The following ZFHX3 variants were observed in gnomAD, a reference collection of about 807,000 sequenced individuals.
The protein encoded by ZFHX3 is zinc finger homeobox protein 3.
In ZFHX3, 42 loss-of-function variants were observed where a neutral mutation model predicts 279.1. That is an observed-to-expected ratio of 0.15 (90% CI 0.12 to 0.19). The LOEUF (loss-of-function observed/expected upper bound fraction) is 0.19, where lower values mean the gene tolerates loss of function less well. Among genes scored for constraint, ZFHX3 ranks in the 10% least tolerant of loss-of-function variants. The pLI, the probability that ZFHX3 is intolerant of heterozygous loss-of-function variation, is 1.00. For missense variants in ZFHX3, 4,981 were observed against 4,754.0 expected (o/e 1.05, Z -1.40); for synonymous variants, 2,293 against 1,957.8 (o/e 1.17, Z -4.52).
chr16:73,448,045 C>A (rs2018217118), intron 3 of ZFHX3, among the ~76,000 whole-genome samples: 1 of 152,116 alleles, frequency 6.6e-6, no homozygotes, highest in South Asian at 2.1e-4. Flanking sequence ...AGGACATTTG[C>A]CAAATCAGCA....
chr16:73,139,325 G>A (rs1966840250), intron 6 of ZFHX3, among the ~76,000 whole-genome samples: 1 of 152,026 alleles, frequency 6.6e-6, no homozygotes, highest in South Asian at 2.1e-4. Context: ...GATACCACTG[G>A]CACGAAATAA....
At chr16:73,505,508 AC>A (rs1434232009) in intron 2 of ZFHX3, among the ~76,000 whole-genome samples, 4 of 152,034 alleles carry the variant, frequency 2.6e-5, no homozygotes, top group African/African-American at 9.7e-5. Context: ...TCCGTTAACT[AC>A]TTAGACAGTC....
intron 5 of ZFHX3, among the ~76,000 whole-genome samples, chr16:73,235,664 A>G (rs140428822): frequency 2.5e-4 from 38 of 151,258 alleles, no homozygotes; most frequent in African/African-American, 8.7e-4. Flanking sequence ...ATGTGTAAAT[A>G]TCAAATATAT....
intron 8 of ZFHX3, among the ~76,000 whole-genome samples, chr16:73,080,007 C>G (rs1965926884): frequency 6.6e-6 from 1 of 152,180 alleles, no homozygotes; most frequent in Non-Finnish European, 1.5e-5. Context: ...TCAGTCTGAT[C>G]TTTCTGAGCT....
chr16:73,872,470 A>G (rs2029864723), intron 1 of ZFHX3, among the ~76,000 whole-genome samples: 1 of 151,770 alleles, frequency 6.6e-6, no homozygotes, highest in Non-Finnish European at 1.5e-5. Context: ...CCTGGCCTCA[A>G]GTGACCAGCC....
chr16:73,356,339 G>T (rs1269419170), intron 3 of ZFHX3, among the ~76,000 whole-genome samples: 4 of 150,628 alleles, frequency 2.7e-5, no homozygotes, highest in African/African-American at 4.8e-5. Flanking sequence ...CTCATGTACA[G>T]CCCCACGGGT....
intron 2 of ZFHX3, among the ~76,000 whole-genome samples, chr16:73,586,396 AC>A (rs2051926436): frequency 7.7e-6 from 1 of 129,836 alleles, no homozygotes; most frequent in South Asian, 2.2e-4. Flanking sequence ...CTCAAAACAA[AC>A]AAACAAACAA....
At chr16:73,158,192 T>C (rs1967141753) in intron 5 of ZFHX3, among the ~76,000 whole-genome samples, 1 of 152,180 alleles carries the variant, frequency 6.6e-6, no homozygotes, top group Admixed American at 6.5e-5. Context: ...CATTTACCAC[T>C]CTGGGGATTA....
At chr16:72,905,041 T>C (rs1219349956) in intron 3 of ZFHX3, among the ~76,000 whole-genome samples, 4 of 152,120 alleles carry the variant, frequency 2.6e-5, no homozygotes, top group Admixed American at 1.3e-4. Flanking sequence ...GGTTTCATCA[T>C]GTTGGCCAGG....
At chr16:73,832,774 A>G (rs431577) in intron 1 of ZFHX3, among the ~76,000 whole-genome samples, 2,029 of 152,262 alleles carry the variant, frequency 0.013, 51 homozygotes, top group African/African-American at 0.045. Context: ...ACATGCTGGT[A>G]TATGTTAAAT....
chr16:72,909,961 A>C (rs914117805), intron 3 of ZFHX3, among the ~76,000 whole-genome samples: 1 of 151,950 alleles, frequency 6.6e-6, no homozygotes, highest in African/African-American at 2.4e-5. Flanking sequence ...GAAAGTCAAC[A>C]CCTATTTAAG....
At chr16:73,465,626 AC>A (rs2018555595) in intron 2 of ZFHX3, among the ~76,000 whole-genome samples, 1 of 152,108 alleles carries the variant, frequency 6.6e-6, no homozygotes, top group South Asian at 2.1e-4. Context: ...CTAGTCCTGC[AC>A]CCCAGGTGAG....
chr16:73,234,697 G>A (rs1567425777), intron 5 of ZFHX3, among the ~76,000 whole-genome samples: 1 of 152,160 alleles, frequency 6.6e-6, no homozygotes, highest in Admixed American at 6.5e-5. Context: ...TAATAATATC[G>A]AGAATGAACT....
chr16:72,917,114 G>A (rs905310157), intron 3 of ZFHX3, among the ~76,000 whole-genome samples: 6 of 152,126 alleles, frequency 3.9e-5, no homozygotes, highest in Admixed American at 6.5e-5. Context: ...CATGGCACGC[G>A]CCTATAGTCC....
chr16:73,063,589 T>G (rs955596897), upstream of ZFHX3, among the ~76,000 whole-genome samples: 4 of 152,102 alleles, frequency 2.6e-5, no homozygotes, highest in Non-Finnish European at 5.9e-5. Flanking sequence ...AGTGAGTAGC[T>G]GAGTCTGAGT....
At chr16:73,164,027 C>G (rs1220913357) in intron 5 of ZFHX3, among the ~76,000 whole-genome samples, 2 of 152,116 alleles carry the variant, frequency 1.3e-5, no homozygotes, top group Non-Finnish European at 1.5e-5. Context: ...GGTGGAAAGC[C>G]TTGTAGAGCT....
rs531827590 is a variant in ZFHX3 at position 72,812,713 on chromosome 16, G to A, written c.3530-675C>T. Among the ~76,000 whole-genome samples the A allele has an allele frequency of 3.3e-5, 5 of 152,264 alleles. No individual in the cohort carries two copies. The South Asian group carries it at 1.0e-3, about 32-fold the overall frequency. ...AGACCCAAGAGTTTATTCAGAGTGGGTGGGAATAGGGAAAGTTTCCTATCT... is the reference window on the plus strand; with the variant it reads ...AGACCCAAGAGTTTATTCAGAGTGGATGGGAATAGGGAAAGTTTCCTATCT... On this transcript the variant is annotated intron_variant, in intron 5 of 9. Transcript: ENST00000268489.
chr16:73,359,825 C>T (rs2016406111), intron 3 of ZFHX3, among the ~76,000 whole-genome samples: 1 of 152,138 alleles, frequency 6.6e-6, no homozygotes, highest in African/African-American at 2.4e-5. Flanking sequence ...GTGGGAGAAG[C>T]CGCTAATTTG....
At chr16:73,824,424 A>C (rs1438899304) in intron 1 of ZFHX3, among the ~76,000 whole-genome samples, 1 of 129,166 alleles carries the variant, frequency 7.7e-6, no homozygotes, top group Non-Finnish European at 1.7e-5. Flanking sequence ...ATTATACTTT[A>C]AGTTTTAGGG....
Sources: gnomAD v4.1 joint callset for allele counts (sites outside exome capture counted in the v4.1 genomes callset) on GRCh38, gnomAD v4.1.1 for gene constraint, MANE v1.5 for transcripts, NCBI Gene and HGNC (gene_info 2026-07-23, HGNC 2026-07-21) for gene names.